LRRC43: variants seen among roughly 807,000 people sequenced by gnomAD.
The protein encoded by LRRC43 is leucine-rich repeat-containing protein 43.
A neutral mutation model predicts 64.3 loss-of-function variants in LRRC43; 62 were observed. That is an observed-to-expected ratio of 0.96 (90% CI 0.79 to 1.19). The LOEUF is 1.19. LRRC43 is among the 50% of genes most tolerant of loss of function. LRRC43 has a pLI of 0.00. For synonymous variants in LRRC43, 422 were observed against 382.3 expected (o/e 1.10, Z -1.21); for missense variants, 868 against 845.0 (o/e 1.03, Z -0.34).
In LRRC43 at chr12:122,187,795, A is replaced by G. The variant is rs1953663855; in HGVS notation, c.617A>G (p.Lys206Arg). Residue 206 changes from lysine to arginine, a missense_variant, in exon 4 of 12, where the codon AAA (lysine) becomes AGA (arginine). Coordinates refer to ENST00000339777, the MANE Select transcript of LRRC43 (RefSeq NM_001098519.2). ...CAGCACTTGGGGTTAGGCCACAACA[A>G]ACTTCTAGGCCCCTTGGAAAGTCTC... is the stretch of plus-strand genomic sequence containing the variant. ...GLQHLGLGHN[K>R]LLGPLESLYV... 1 of 1,614,036 alleles carries G rather than the reference A, an allele frequency of 6.2e-7. No homozygotes were observed. Among genetic ancestry groups the G allele is most frequent in the Admixed American group, 1.7e-5 (1 of 59,982 alleles).
chr12:122,184,903 C>A lies in LRRC43; in HGVS notation c.411+124C>A. 1.8e-6 allele frequency: 2 copies of A among 1,081,332 alleles called. No individual in the cohort carries two copies. Among genetic ancestry groups the A allele is most frequent in the Non-Finnish European group, 2.6e-6 (2 of 754,828 alleles). The allele number at this position is 1,081,332 out of a possible 1,614,324, so 67.0% of individuals were successfully genotyped here. A position where few individuals can be genotyped will look rare whatever the true frequency, so the allele number is the denominator to read the frequency against. On this transcript the variant is annotated intron_variant, in intron 2 of 11. Transcript: ENST00000339777. This position sits in a 1 kb window ranked among gnomAD's most constrained non-coding sequence, Gnocchi z 4.0. ...CTTTCAGGGCTGAAACGAAGGCCAG[C>A]CTGCCCTCCATCTGCTTCATCTCCC...
chr12:122,198,208 A>C (rs1386204169), intron 7 of LRRC43, among the ~76,000 whole-genome samples: 1 of 152,088 alleles, frequency 6.6e-6, no homozygotes, highest in Admixed American at 6.6e-5. Flanking sequence ...TCGAGACCAG[A>C]ACTCCTGACC....
chr12:122,182,522 CAAAA>C (rs71082944), upstream of LRRC43, among the ~76,000 whole-genome samples: 1 of 28,860 alleles, frequency 3.5e-5, no homozygotes, highest in Admixed American at 5.4e-4. Flanking sequence ...AACTCGGTCT[CAAAA>C]AAAAAAAAAA....
chr12:122,188,793 A>G (rs929067456), intron 4 of LRRC43, among the ~76,000 whole-genome samples: 1 of 152,018 alleles, frequency 6.6e-6, no homozygotes, highest in Non-Finnish European at 1.5e-5. Context: ...TGGCATCGGA[A>G]CCCCATCACC....
chr12:122,181,855 C>T (rs2136025282), upstream of LRRC43, among the ~76,000 whole-genome samples: 1 of 151,652 alleles, frequency 6.6e-6, no homozygotes, highest in Non-Finnish European at 1.5e-5. Context: ...ATCCACCCAC[C>T]TCAGCCTCCC....
chr12:122,177,541 C>G (rs1191155820), intron 1 of LRRC43, among the ~76,000 whole-genome samples: 2 of 151,450 alleles, frequency 1.3e-5, no homozygotes, highest in Non-Finnish European at 2.9e-5. Flanking sequence ...ATCTTGCTCT[C>G]TCACCCAGGC....
intron 1 of LRRC43, among the ~76,000 whole-genome samples, chr12:122,174,427 A>G (rs931687045): frequency 6.6e-6 from 1 of 152,158 alleles, no homozygotes; most frequent in Non-Finnish European, 1.5e-5. Flanking sequence ...ACACACACAT[A>G]CTTCACAAGA....
Position 122,200,385 on chromosome 12 carries a change from T to A in LRRC43, c.1491+55T>A. 2 of 1,608,676 alleles carry A rather than the reference T, an allele frequency of 1.2e-6. No homozygotes were observed. Among genetic ancestry groups the A allele is most frequent in the Non-Finnish European group, 1.7e-6 (2 of 1,178,556 alleles). ...CCACAGGCTGCACTTCTGTCCTTGT[T>A]CCTGTTCCCATCGGGCTGTCCCCCA... is the stretch of plus-strand genomic sequence containing the variant. On this transcript the variant is annotated intron_variant, in intron 8 of 11. Coordinates refer to ENST00000339777, the MANE Select transcript of LRRC43 (RefSeq NM_001098519.2). The surrounding 1 kb of genome is among the most constrained non-coding windows in gnomAD (Gnocchi z 4.6).
chr12:122,167,734 T>C (rs1953452629), upstream of LRRC43: 1 of 152,220 alleles, frequency 6.6e-6, no homozygotes, highest in South Asian at 2.1e-4. Flanking sequence ...CTGTCTGTGC[T>C]ATCCAATGAG....
upstream of LRRC43, among the ~76,000 whole-genome samples, chr12:122,179,401 G>A (rs182036779): frequency 4.4e-4 from 67 of 152,286 alleles, no homozygotes; most frequent in African/African-American, 1.2e-3. Context: ...CCACGTGCCC[G>A]GCCTGATTCA....
chr12:122,188,096 A>AT (rs1043327651), intron 4 of LRRC43, among the ~76,000 whole-genome samples: 3 of 151,964 alleles, frequency 2.0e-5, no homozygotes, highest in Non-Finnish European at 4.4e-5. Context: ...TAATTTTTTA[A>AT]TTTTTTTATC....
At chr12:122,202,564 G>A (rs1185142545) in intron 11 of LRRC43, 2 of 152,040 alleles carry the variant, frequency 1.3e-5, no homozygotes, top group Admixed American at 1.3e-4. Context: ...TAAACTACAG[G>A]TTAACAGACT....
At position 122,190,297 on chromosome 12, in the gene LRRC43, T is replaced by C. The variant is rs1311635413; in HGVS notation, c.830T>C (p.Leu277Pro). ...RGLTIDSLAQLCVLDDITVSP... is the reference protein window; with the variant it reads ...RGLTIDSLAQPCVLDDITVSP... ...CTCACCATCGACAGCCTGGCCCAGCTCTGCGTGCTGGACGACATCACCGTG... is the reference window on the plus strand; with the variant it reads ...CTCACCATCGACAGCCTGGCCCAGCCCTGCGTGCTGGACGACATCACCGTG... The change falls in exon 5 of 12, where the codon CTC becomes CCC. Residue 277 changes from leucine to proline, a missense_variant. By Grantham distance (98) the Leu-to-Pro change is moderately conservative. Transcript: ENST00000339777. 1 of 1,614,188 alleles carries C rather than the reference T, an allele frequency of 6.2e-7. No individual in the cohort carries two copies. The highest frequency in any genetic ancestry group is 1.7e-5 in the Admixed American group (1 of 60,024).
At chr12:122,199,810 C>G (rs762178398) in intron 7 of LRRC43, among the ~76,000 whole-genome samples, 2 of 152,100 alleles carry the variant, frequency 1.3e-5, no homozygotes, top group Non-Finnish European at 2.9e-5. Context: ...TCTCGAACTC[C>G]TTGGTTCAGG....
Position 122,200,757 on chromosome 12 carries a change from G to A in LRRC43, c.1632G>A (p.Val544=). The change falls in exon 10 of 12, where the codon GTG becomes GTA. Residue 544 remains valine (V), a synonymous_variant. Coordinates refer to ENST00000339777, the MANE Select transcript of LRRC43 (RefSeq NM_001098519.2). The surrounding 1 kb of genome is among the most constrained non-coding windows in gnomAD (Gnocchi z 4.6). ...TCCCGTCGTCGCAGGAGTGGAAGGTGCTGAAGAAGAAGAAAGAGCCGCCCA... is the reference window on the plus strand; with the variant it reads ...TCCCGTCGTCGCAGGAGTGGAAGGTACTGAAGAAGAAGAAAGAGCCGCCCA... ...GEKEPAKEWK[V]LKKKKEPPKE... The A allele has an allele frequency of 3.1e-6, 5 of 1,613,038 alleles. No individual in the cohort carries two copies. Among genetic ancestry groups the A allele is most frequent in the Non-Finnish European group, 4.2e-6 (5 of 1,180,016 alleles).
In LRRC43 at chr12:122,191,564, C is replaced by A. The variant is rs367615173; in HGVS notation, c.1086C>A (p.Ala362=). The A allele has an allele frequency of 6.2e-7, 1 of 1,613,368 alleles. No homozygotes were observed. Among genetic ancestry groups the A allele is most frequent in the African/African-American group, 1.3e-5 (1 of 74,984 alleles). ...TGAATGAGTCCGCGGGCGTCCTGGC[C>A]GAGGTGTGCCCTGGTCTGTCCCTAG... ...GEMNESAGVL[A]EIVKPSPSLE... The change falls in exon 6 of 12, where the codon GCC becomes GCA. Residue 362 remains alanine (A), a synonymous_variant. Coordinates refer to ENST00000339777, the MANE Select transcript of LRRC43 (RefSeq NM_001098519.2).
At chr12:122,174,681 G>A (rs559108332) in intron 1 of LRRC43, among the ~76,000 whole-genome samples, 2 of 152,138 alleles carry the variant, frequency 1.3e-5, no homozygotes, top group South Asian at 2.1e-4. Flanking sequence ...GTGCAGGGAC[G>A]GCCCCATAAC....
intron 7 of LRRC43, among the ~76,000 whole-genome samples, chr12:122,194,090 G>A (rs1043070831): frequency 6.6e-6 from 1 of 151,824 alleles, no homozygotes; most frequent in African/African-American, 2.4e-5. Context: ...TAGAGTAATT[G>A]TTATAAATAT....
At chr12:122,192,676 C>T (rs1383160604) in intron 6 of LRRC43, 69 bp from the exon 7 acceptor site, 6 of 1,558,112 alleles carry the variant, frequency 3.9e-6, no homozygotes, top group Non-Finnish European at 5.3e-6. Flanking sequence ...GTGTTACAGA[C>T]ACCCCCGGCA....
Sources: allele counts gnomAD v4.1 joint callset (sites outside exome capture counted in the v4.1 genomes callset), GRCh38; gene constraint gnomAD v4.1.1; non-coding constraint Gnocchi (gnomAD v3.1); transcripts MANE v1.5; gene names NCBI Gene and HGNC (gene_info 2026-07-23, HGNC 2026-07-21).